The following AGBL1 variants were observed in gnomAD, a reference collection of about 807,000 sequenced individuals.
AGBL1 encodes cytosolic carboxypeptidase 4.
A neutral mutation model predicts 118.9 loss-of-function variants in AGBL1; 130 were observed. The ratio of observed to expected loss-of-function variants is 1.09; its 90% CI spans 0.95 to 1.26. The LOEUF (loss-of-function observed/expected upper bound fraction) is 1.26. Ranked by LOEUF, AGBL1 falls within the 50% of genes most tolerant of loss-of-function variation. AGBL1 has a pLI of 0.00. For missense variants in AGBL1, 1,584 were observed against 1,298.1 expected (o/e 1.22, Z -3.38); for synonymous variants, 555 against 478.9 (o/e 1.16, Z -2.08).
intron 17 of AGBL1, among the ~76,000 whole-genome samples, chr15:86,325,788 A>G (rs749473306): frequency 1.3e-5 from 2 of 152,166 alleles, no homozygotes; most frequent in Non-Finnish European, 2.9e-5. Flanking sequence ...TATTTTTCCA[A>G]CGGGTCACAT....
chr15:86,366,922 G>A (rs1301214428), intron 17 of AGBL1, among the ~76,000 whole-genome samples: 2 of 152,126 alleles, frequency 1.3e-5, no homozygotes, highest in Non-Finnish European at 2.9e-5. Context: ...CATACTCTGC[G>A]ACACCCGGGC....
At chr15:86,333,728 T>A (rs1036253589) in intron 17 of AGBL1, among the ~76,000 whole-genome samples, 3 of 151,962 alleles carry the variant, frequency 2.0e-5, no homozygotes, top group Admixed American at 6.5e-5. Context: ...AAAGACACAA[T>A]GAGAAAAGGA....
At chr15:86,207,982 C>T (rs564597536) in intron 5 of AGBL1, among the ~76,000 whole-genome samples, 10 of 148,566 alleles carry the variant, frequency 6.7e-5, no homozygotes, top group East Asian at 6.0e-4. Flanking sequence ...TTTTGAGATA[C>T]GTCCCATCAA....
chr15:86,080,774 G>A (rs1327309614), intron 1 of AGBL1, among the ~76,000 whole-genome samples: 1 of 152,046 alleles, frequency 6.6e-6, no homozygotes, highest in Non-Finnish European at 1.5e-5. Context: ...AAACTCCCCC[G>A]GGGTCTCCAT....
intron 21 of AGBL1, among the ~76,000 whole-genome samples, chr15:86,650,343 C>G (rs912625255): frequency 3.3e-5 from 5 of 152,118 alleles, no homozygotes; most frequent in African/African-American, 1.2e-4. Flanking sequence ...CATCTGGCAC[C>G]ATAACCTTGA....
At chr15:86,346,029 C>T (rs1339585808) in intron 17 of AGBL1, among the ~76,000 whole-genome samples, 3 of 151,828 alleles carry the variant, frequency 2.0e-5, no homozygotes, top group Non-Finnish European at 4.4e-5. Flanking sequence ...GTTGCCCAGG[C>T]TGGAGTGTAA....
chr15:86,158,535 C>T (rs34146646), intron 4 of AGBL1, among the ~76,000 whole-genome samples: 1,692 of 152,250 alleles, frequency 0.011, 9 homozygotes, highest in Non-Finnish European at 0.016. Flanking sequence ...GTTGGAGAGA[C>T]GCTGGGGCAT....
intron 22 of AGBL1, among the ~76,000 whole-genome samples, chr15:86,720,730 A>G (rs919339972): frequency 1.8e-4 from 28 of 152,266 alleles, no homozygotes; most frequent in African/African-American, 5.3e-4. Flanking sequence ...AAAAGAAGAT[A>G]AGAAAGGAAG....
chr15:86,706,372 T>C (rs2086450024), intron 22 of AGBL1, among the ~76,000 whole-genome samples: 1 of 152,140 alleles, frequency 6.6e-6, no homozygotes, highest in Admixed American at 6.6e-5. Context: ...TAATAAAAAA[T>C]CATAGAGGCA....
intron 18 of AGBL1, among the ~76,000 whole-genome samples, chr15:86,410,535 C>A (rs930859746): frequency 3.3e-5 from 5 of 151,690 alleles, no homozygotes; most frequent in Admixed American, 1.3e-4. Context: ...AAGCCCTAAC[C>A]ACTGCACCTC....
In AGBL1 at chr15:86,224,847, G is replaced by A. The variant is rs1597584141; in HGVS notation, c.489-67G>A. On this transcript the variant is annotated intron_variant, in intron 5 of 22. Transcript: ENST00000614907. ...TGGGGTGGCAATGGGCATGCTGGCT[G>A]TGGGATCCATGTGCTGAGAAAAAGA... 3.9e-6 allele frequency: 6 copies of A among 1,529,312 alleles called. No individual in the cohort carries two copies. The East Asian group carries it at 1.1e-4, about 29-fold the overall frequency. 94.7% of individuals were successfully genotyped at this position (1,529,312 alleles called of 1,614,324 possible).
intron 22 of AGBL1, among the ~76,000 whole-genome samples, chr15:86,712,015 A>G (rs774824235): frequency 6.6e-6 from 1 of 152,142 alleles, no homozygotes; most frequent in Non-Finnish European, 1.5e-5. Flanking sequence ...TGACACCCAG[A>G]GAAGTCACTT....
chr15:87,005,984 T>G (rs776486237), intron 24 of AGBL1, among the ~76,000 whole-genome samples: 20 of 152,328 alleles, frequency 1.3e-4, no homozygotes, highest in Non-Finnish European at 2.1e-4. Flanking sequence ...GCCTGGATAT[T>G]AGCAGCAGAG....
chr15:86,736,909 G>A (rs934418214), intron 22 of AGBL1, among the ~76,000 whole-genome samples: 1 of 152,148 alleles, frequency 6.6e-6, no homozygotes, highest in Non-Finnish European at 1.5e-5. Flanking sequence ...TATTATGTTT[G>A]ATCATTGGTA....
At chr15:86,977,351 T>C (rs1435792024) in intron 23 of AGBL1, among the ~76,000 whole-genome samples, 1 of 151,718 alleles carries the variant, frequency 6.6e-6, no homozygotes, top group African/African-American at 2.4e-5. Flanking sequence ...TAAATTGTAA[T>C]GTGTGGTAAG....
chr15:86,578,410 C>T (rs1050226748), intron 21 of AGBL1, among the ~76,000 whole-genome samples: 3 of 152,170 alleles, frequency 2.0e-5, no homozygotes, highest in Non-Finnish European at 4.4e-5. Flanking sequence ...TTTACTGGCT[C>T]ATAGCCAGAA....
chr15:86,196,883 A>ATG (rs2077820040), intron 5 of AGBL1, among the ~76,000 whole-genome samples: 1 of 75,486 alleles, frequency 1.3e-5, no homozygotes, highest in Non-Finnish European at 2.7e-5. Context: ...GCGCGCGCAC[A>ATG]CACACACACA....
chr15:86,825,387 TAAAAAAAAAAAAAAAAAAA>T (rs869042604), intron 22 of AGBL1, among the ~76,000 whole-genome samples: 17 of 11,146 alleles, frequency 1.5e-3, no homozygotes, highest in Admixed American at 6.2e-3. Context: ...GTAGAAACTG[TAAAAAAAAAAAAAAAAAAA>T]AAAAAAAAAA....
intron 17 of AGBL1, among the ~76,000 whole-genome samples, chr15:86,318,738 G>T (rs897054372): frequency 2.2e-5 from 3 of 139,450 alleles, no homozygotes; most frequent in African/African-American, 5.4e-5. Context: ...GATTGGTCAG[G>T]ATTTGTAAGC....
Sources: allele counts gnomAD v4.1 joint callset (sites outside exome capture counted in the v4.1 genomes callset), GRCh38; gene constraint gnomAD v4.1.1; transcripts MANE v1.5; gene names NCBI Gene and HGNC (gene_info 2026-07-23, HGNC 2026-07-21).